The following STAG1 variants were observed in gnomAD, a reference collection of about 807,000 sequenced individuals.
The protein encoded by STAG1 is cohesin subunit SA-1.
Under a neutral mutation model 170.9 loss-of-function variants are expected in STAG1, and 26 were observed. That is an observed-to-expected ratio of 0.15 (90% CI 0.11 to 0.21). STAG1 has a LOEUF of 0.21. Among genes scored for constraint, STAG1 ranks in the 10% least tolerant of loss-of-function variants. The pLI is 1.00. For missense variants in STAG1, 964 were observed against 1,509.5 expected (o/e 0.64, Z 5.99); for synonymous variants, 514 against 497.7 (o/e 1.03, Z -0.44).
chr3:136,729,134 T>C (rs539119270), intron 1 of STAG1, among the ~76,000 whole-genome samples: 1 of 152,178 alleles, frequency 6.6e-6, no homozygotes, highest in East Asian at 1.9e-4. Context: ...ATGCATGCCA[T>C]CGTGCCTAGC....
chr3:136,672,464 C>T (rs1473904933), intron 1 of STAG1, among the ~76,000 whole-genome samples: 1 of 152,150 alleles, frequency 6.6e-6, no homozygotes, highest in Admixed American at 6.5e-5. Flanking sequence ...TATTGTATTC[C>T]TAAACAAGCA....
chr3:136,611,939 C>T (rs1374630829), intron 3 of STAG1, among the ~76,000 whole-genome samples: 1 of 152,120 alleles, frequency 6.6e-6, no homozygotes, highest in East Asian at 1.9e-4. Flanking sequence ...GCTCCGCCTC[C>T]TGGGTTCACG....
At chr3:136,545,053 ATTTC>A (rs750134338) in intron 5 of STAG1, among the ~76,000 whole-genome samples, 106 of 151,906 alleles carry the variant, frequency 7.0e-4, no homozygotes, top group Middle Eastern at 3.4e-3. Flanking sequence ...TTATTTTTTT[ATTTC>A]TTTTTTTTTG....
intron 5 of STAG1, among the ~76,000 whole-genome samples, chr3:136,557,921 G>GT (rs1481627527): frequency 5.9e-5 from 9 of 152,126 alleles, no homozygotes; most frequent in African/African-American, 2.2e-4. Context: ...TAAAACTCAT[G>GT]TTCATTCATT....
intron 1 of STAG1, among the ~76,000 whole-genome samples, chr3:136,690,889 C>T (rs1002879392): frequency 1.3e-5 from 2 of 150,048 alleles, no homozygotes; most frequent in Non-Finnish European, 1.5e-5. Context: ...GGATAGTTCT[C>T]GAATGGGGGA....
intron 32 of STAG1, among the ~76,000 whole-genome samples, chr3:136,338,785 C>G (rs1227888160): frequency 1.3e-5 from 2 of 152,186 alleles, no homozygotes; most frequent in African/African-American, 2.4e-5. Context: ...TCATTAACTA[C>G]TAGGTGATAA....
chr3:136,687,737 ATTT>A (rs397876527), intron 1 of STAG1, among the ~76,000 whole-genome samples: 3 of 141,748 alleles, frequency 2.1e-5, no homozygotes, highest in Admixed American at 7.1e-5. Flanking sequence ...GAAGAGACCA[ATTT>A]TTTTTTTTTT....
intron 21 of STAG1, among the ~76,000 whole-genome samples, chr3:136,401,609 G>A (rs990561202): frequency 1.2e-4 from 18 of 152,062 alleles, no homozygotes; most frequent in African/African-American, 4.3e-4. Context: ...AATACAATGA[G>A]GATGAGCACC....
chr3:136,551,521 GC>G (rs1936404221), intron 5 of STAG1, among the ~76,000 whole-genome samples: 1 of 145,092 alleles, frequency 6.9e-6, no homozygotes, highest in African/African-American at 2.6e-5. Context: ...CTGAAGCGAT[GC>G]CCCCACCTCG....
At chr3:136,511,578 T>C (rs954806083) in intron 7 of STAG1, among the ~76,000 whole-genome samples, 11 of 152,260 alleles carry the variant, frequency 7.2e-5, no homozygotes, top group African/African-American at 2.2e-4. Flanking sequence ...TTCTCACTTA[T>C]AAGTGGGAGC....
chr3:136,502,015 C>T (rs1000793301), intron 8 of STAG1, among the ~76,000 whole-genome samples: 2 of 152,038 alleles, frequency 1.3e-5, no homozygotes, highest in Non-Finnish European at 2.9e-5. Flanking sequence ...AACCCCATCT[C>T]TACTAAAAAT....
intron 14 of STAG1, among the ~76,000 whole-genome samples, chr3:136,445,718 A>G (rs1298370427): frequency 1.3e-5 from 2 of 152,220 alleles, no homozygotes; most frequent in Non-Finnish European, 2.9e-5. Flanking sequence ...GGCAGATTAT[A>G]CCTTCAATAA....
intron 13 of STAG1, among the ~76,000 whole-genome samples, chr3:136,458,868 C>T (rs1022616360): frequency 2.4e-4 from 37 of 152,080 alleles, no homozygotes; most frequent in African/African-American, 8.9e-4. Flanking sequence ...AAAAATGTAA[C>T]AGAAGTGGAT....
intron 12 of STAG1, among the ~76,000 whole-genome samples, chr3:136,469,168 A>C (rs1374407759): frequency 1.3e-5 from 2 of 152,198 alleles, no homozygotes; most frequent in Non-Finnish European, 2.9e-5. Flanking sequence ...AATAAAGGGT[A>C]TTCAATTAGG....
chr3:136,548,952 G>T (rs1387635484), intron 5 of STAG1, among the ~76,000 whole-genome samples: 1 of 152,170 alleles, frequency 6.6e-6, no homozygotes, highest in Non-Finnish European at 1.5e-5. Context: ...GCCATGTGAA[G>T]ATGTGCCTGC....
At chr3:136,566,828 C>T (rs1021805840) in intron 5 of STAG1, among the ~76,000 whole-genome samples, 1 of 152,128 alleles carries the variant, frequency 6.6e-6, no homozygotes. Context: ...CAAAAGACTA[C>T]AAATAACACA....
At chr3:136,461,655 T>G (rs2089278082) in intron 13 of STAG1, among the ~76,000 whole-genome samples, 1 of 150,796 alleles carries the variant, frequency 6.6e-6, no homozygotes, top group African/African-American at 2.4e-5. Flanking sequence ...GGGTAGAGTT[T>G]TGGGGCAAGA....
chr3:136,355,072 G>C lies in STAG1; in HGVS notation c.3065+2648C>G, dbSNP rs374178672. 2.6e-5 allele frequency among the ~76,000 whole-genome samples: 4 copies of C among 152,008 alleles called. No individual in the cohort carries two copies. In the South Asian group the frequency reaches 8.3e-4, roughly 32 times the overall value. ...GTAACAATTAAAAATGTATGTACAG[G>C]CCAGGCGTGGTGGCTCACACCTGTA... On this transcript the variant is annotated intron_variant, in intron 28 of 33. Transcript: ENST00000383202.
chr3:136,388,828 C>T (rs1232777596), intron 22 of STAG1, among the ~76,000 whole-genome samples: 3 of 152,106 alleles, frequency 2.0e-5, no homozygotes, highest in Admixed American at 6.6e-5. Context: ...GGATAAGATA[C>T]CCATTTCTTT....
Sources: allele counts gnomAD v4.1 joint callset (sites outside exome capture counted in the v4.1 genomes callset), GRCh38; gene constraint gnomAD v4.1.1; transcripts MANE v1.5; gene names NCBI Gene and HGNC (gene_info 2026-07-23, HGNC 2026-07-21).